AOPEP: variants seen among roughly 807,000 people sequenced by gnomAD.
AOPEP encodes the protein aminopeptidase O (putative), also known as aminopeptidase O.
Under a neutral mutation model 98.1 loss-of-function variants are expected in AOPEP, and 77 were observed. The ratio of observed to expected loss-of-function variants is 0.78; its 90% CI spans 0.65 to 0.95. AOPEP has a LOEUF of 0.95. AOPEP is among the 40% of genes least tolerant of loss of function. The pLI is 0.00. For synonymous variants in AOPEP, 346 were observed against 365.3 expected (o/e 0.95, Z 0.60); for missense variants, 1,024 against 1,024.7 (o/e 1.00, Z 0.01).
chr9:94,727,363 T>A (rs1321367282), intron 1 of AOPEP, among the ~76,000 whole-genome samples: 2 of 152,218 alleles, frequency 1.3e-5, no homozygotes, highest in Non-Finnish European at 2.9e-5. Flanking sequence ...CCACTTAGGA[T>A]CCAATCCACT....
At chr9:94,755,482 C>T (rs1375941518) in intron 1 of AOPEP, among the ~76,000 whole-genome samples, 1 of 152,156 alleles carries the variant, frequency 6.6e-6, no homozygotes, top group South Asian at 2.1e-4. Flanking sequence ...GACAAATAAG[C>T]AACAACTTAA....
chr9:94,834,917 G>T (rs533332344), intron 5 of AOPEP, among the ~76,000 whole-genome samples: 19 of 152,122 alleles, frequency 1.2e-4, no homozygotes, highest in African/African-American at 4.6e-4. Flanking sequence ...TTTTTTGAGG[G>T]AGACAAACTC....
the AOPEP span, chr9:95,145,195 T>C: frequency 2.0e-5 from 3 of 152,344 alleles, no homozygotes; most frequent in Admixed American, 2.0e-4. Context: ...ACAACGGTGG[T>C]TTTGAGCCTG....
chr9:95,073,584 C>T (rs1449704648), intron 14 of AOPEP, among the ~76,000 whole-genome samples: 1 of 152,082 alleles, frequency 6.6e-6, no homozygotes, highest in Non-Finnish European at 1.5e-5. Flanking sequence ...AGGCCGGGCG[C>T]GGTGGCTCAC....
At chr9:94,910,506 TC>T (rs1406630998) in intron 5 of AOPEP, among the ~76,000 whole-genome samples, 1 of 152,192 alleles carries the variant, frequency 6.6e-6, no homozygotes, top group Non-Finnish European at 1.5e-5. Flanking sequence ...TACTCCAGTC[TC>T]CCTGCTGTGG....
the AOPEP span, chr9:95,099,095 C>A: frequency 1.0e-5 from 2 of 196,860 alleles, no homozygotes; most frequent in Admixed American, 1.2e-4. Context: ...AAAAAATAGA[C>A]AACAAATTAC....
At chr9:95,094,574 A>T in the AOPEP span, among the ~76,000 whole-genome samples, 1 of 152,238 alleles carries the variant, frequency 6.6e-6, no homozygotes, top group Non-Finnish European at 1.5e-5. Flanking sequence ...GAGAGGATTC[A>T]TAAAATCTTT....
At position 94,908,672 on chromosome 9, in the gene AOPEP, G is replaced by A. The variant is rs955104526; in HGVS notation, c.1365-15314G>A. Among the ~76,000 whole-genome samples, 3 of 152,068 alleles carry A rather than the reference G, an allele frequency of 2.0e-5. No homozygotes were observed. In the East Asian group the frequency reaches 5.8e-4, roughly 29 times the overall value. Reference sequence around the variant, plus strand: ...CAGTGACCATGCAGAGGTAGAGAGGGGAAACCAGACCTCCCATAAACCCCC... The same window carrying A: ...CAGTGACCATGCAGAGGTAGAGAGGAGAAACCAGACCTCCCATAAACCCCC... On this transcript the variant is annotated intron_variant, in intron 5 of 16. Coordinates refer to ENST00000375315, the MANE Select transcript of AOPEP (RefSeq NM_001193329.3).
chr9:95,095,355 G>A, the AOPEP span, among the ~76,000 whole-genome samples: 1 of 152,140 alleles, frequency 6.6e-6, no homozygotes, highest in Non-Finnish European at 1.5e-5. Flanking sequence ...ATGGTTGGGA[G>A]CACCTGGGCT....
At chr9:94,869,861 A>G (rs1183746177) in intron 5 of AOPEP, among the ~76,000 whole-genome samples, 1 of 151,866 alleles carries the variant, frequency 6.6e-6, no homozygotes, top group East Asian at 1.9e-4. Context: ...ATTAAGTGTG[A>G]CCCTTTGATA....
chr9:94,798,293 A>G (rs979055615), intron 4 of AOPEP, among the ~76,000 whole-genome samples: 28 of 152,186 alleles, frequency 1.8e-4, no homozygotes, highest in African/African-American at 6.3e-4. Flanking sequence ...CTTTGATTAC[A>G]ATGGTACTAA....
At chr9:95,098,012 G>A in the AOPEP span, among the ~76,000 whole-genome samples, 6 of 152,260 alleles carry the variant, frequency 3.9e-5, 1 homozygote, top group Admixed American at 3.3e-4. Flanking sequence ...TCCTGGGCTG[G>A]AAACAGAGGA....
intron 7 of AOPEP, chr9:94,931,643 C>G: frequency 1.0e-6 from 1 of 966,238 alleles, no homozygotes; most frequent in Non-Finnish European, 1.6e-6. Flanking sequence ...CTTGTTCTTT[C>G]TTTCAAGATG....
chr9:94,967,888 A>G, intron 10 of AOPEP, 87 bp downstream of exon 10: 1 of 1,098,630 alleles, frequency 9.1e-7, no homozygotes, highest in Non-Finnish European at 1.4e-6. Flanking sequence ...GTCACAGCCT[A>G]GAAAGCTCAG....
chr9:94,899,567 A>G (rs1043005356), intron 5 of AOPEP, among the ~76,000 whole-genome samples: 1 of 151,736 alleles, frequency 6.6e-6, no homozygotes, highest in African/African-American at 2.4e-5. Context: ...CTGGGCAACA[A>G]AATGAGACCC....
At chr9:95,092,845 AAGGC>A in the AOPEP span, among the ~76,000 whole-genome samples, 1 of 152,128 alleles carries the variant, frequency 6.6e-6, no homozygotes, top group Non-Finnish European at 1.5e-5. Flanking sequence ...CGAGCTCTGA[AAGGC>A]AGGAGTCAAG....
chr9:94,927,762 A>C (rs1297585631), intron 6 of AOPEP, among the ~76,000 whole-genome samples: 1 of 152,254 alleles, frequency 6.6e-6, no homozygotes, highest in Non-Finnish European at 1.5e-5. Flanking sequence ...ACGAATTATC[A>C]GGAAAGTTTG....
chr9:94,775,892 G>A (rs906112769), intron 3 of AOPEP, among the ~76,000 whole-genome samples: 3 of 151,978 alleles, frequency 2.0e-5, no homozygotes, highest in Admixed American at 6.5e-5. Flanking sequence ...AGGCTGAGGC[G>A]GGAGAATGGT....
At position 94,771,324 on chromosome 9, in the gene AOPEP, A is replaced by AT. The variant is rs937940815; in HGVS notation, c.798-1677dup. Among the ~76,000 whole-genome samples the AT allele has an allele frequency of 3.3e-5, 5 of 152,274 alleles. No individual in the cohort carries two copies. In the East Asian group the frequency reaches 9.7e-4, roughly 29 times the overall value. ...ACCTGCTCCCCGCTTCACCAGCCCA[A>AT]TACCCATTTCACCCGTGACTCAGAA... is the stretch of plus-strand genomic sequence containing the variant. On this transcript the variant is annotated intron_variant, in intron 2 of 16. Coordinates refer to ENST00000375315, the MANE Select transcript of AOPEP (RefSeq NM_001193329.3).
Sources: allele counts gnomAD v4.1 joint callset (sites outside exome capture counted in the v4.1 genomes callset), GRCh38; gene constraint gnomAD v4.1.1; transcripts MANE v1.5; gene names NCBI Gene and HGNC (gene_info 2026-07-23, HGNC 2026-07-21).